The following CFAP97 variants were observed in gnomAD, a reference collection of about 807,000 sequenced individuals.
CFAP97 encodes cilia and flagella associated protein 97, also known as cilia- and flagella-associated protein 97.
Under a neutral mutation model 43.1 loss-of-function variants are expected in CFAP97, and 36 were observed. The ratio of observed to expected loss-of-function variants is 0.84; its 90% CI spans 0.64 to 1.10. The LOEUF (loss-of-function observed/expected upper bound fraction) is 1.10. Ranked by LOEUF, CFAP97 falls within the 50% of genes least tolerant of loss-of-function variation. The pLI is 0.00. For synonymous variants in CFAP97, 228 were observed against 225.7 expected, an observed-to-expected ratio of 1.01 and a Z score of -0.09; for missense variants, 657 against 620.3, an observed-to-expected ratio of 1.06 and a Z score of -0.63.
chr4:185,199,209 C>T (rs915841490), intron 1 of CFAP97, among the ~76,000 whole-genome samples: 1 of 152,002 alleles, frequency 6.6e-6, no homozygotes, highest in Non-Finnish European at 1.5e-5. Flanking sequence ...CCCATCTCTA[C>T]AAAAAGAGAA....
chr4:185,201,622 T>G (rs1337649251), intron 1 of CFAP97, among the ~76,000 whole-genome samples: 1 of 152,232 alleles, frequency 6.6e-6, no homozygotes, highest in Non-Finnish European at 1.5e-5. Flanking sequence ...TATGTACATT[T>G]CTTAAGCATA....
chr4:185,191,624 G>A (rs1439356601), intron 1 of CFAP97, among the ~76,000 whole-genome samples: 1 of 152,214 alleles, frequency 6.6e-6, no homozygotes, highest in Non-Finnish European at 1.5e-5. Context: ...GAGGTCAAGA[G>A]ATCGAGACCA....
chr4:185,185,946 A>G (rs148943961), intron 2 of CFAP97, among the ~76,000 whole-genome samples: 328 of 152,230 alleles, frequency 2.2e-3, no homozygotes, highest in African/African-American at 7.6e-3. Flanking sequence ...GCCTGCCAAC[A>G]TTTGTAAGCT....
chr4:185,164,360 C>T (rs1361750572), intron 3 of CFAP97, among the ~76,000 whole-genome samples, 181 bp from the exon 4 acceptor site: 1 of 152,078 alleles, frequency 6.6e-6, no homozygotes, highest in Non-Finnish European at 1.5e-5. Context: ...ATCTCAGCCT[C>T]TCAAGTAGCT....
At position 185,190,454 on chromosome 4, in the gene CFAP97, G is replaced by C; in HGVS notation, c.743C>G (p.Ser248Cys). The C allele has an allele frequency of 1.2e-6, 2 of 1,613,908 alleles. No individual in the cohort carries two copies. The highest frequency in any genetic ancestry group is 1.7e-6 in the Non-Finnish European group (2 of 1,179,848). The change falls in exon 2 of 5, where the codon TCT (serine) becomes TGT (cysteine). Residue 248 changes from serine (S) to cysteine (C), a missense_variant. Ser to Cys is a moderately radical substitution (Grantham distance 112, BLOSUM62 -1). Transcript: ENST00000458385. ...ACTTACGTCAGTCACAGTATCTTCA[G>C]ACTCCTCAGGGTAGTGGCCACATTT... ...TPKCGHYPEESEDTVTDVSPL... is the reference protein window; with the variant it reads ...TPKCGHYPEECEDTVTDVSPL...
At chr4:185,176,226 C>A (rs1735535388) in intron 2 of CFAP97, among the ~76,000 whole-genome samples, 175 bp from the exon 3 acceptor site, 1 of 151,448 alleles carries the variant, frequency 6.6e-6, no homozygotes, top group Non-Finnish European at 1.5e-5. Flanking sequence ...GATTCTCCTG[C>A]CTCAGCCTCC....
At chr4:185,179,776 T>A (rs1353530814) in intron 2 of CFAP97, among the ~76,000 whole-genome samples, 1 of 152,186 alleles carries the variant, frequency 6.6e-6, no homozygotes, top group Non-Finnish European at 1.5e-5. Context: ...TCATCACTTT[T>A]AAAAAAGCAT....
intron 2 of CFAP97, among the ~76,000 whole-genome samples, chr4:185,176,830 T>C (rs1488736280): frequency 1.3e-5 from 2 of 152,206 alleles, no homozygotes; most frequent in Non-Finnish European, 2.9e-5. Flanking sequence ...TAACTCCGAA[T>C]ATTCCAAAAC....
At chr4:185,180,860 C>T (rs1449272467) in intron 2 of CFAP97, among the ~76,000 whole-genome samples, 4 of 152,076 alleles carry the variant, frequency 2.6e-5, no homozygotes, top group African/African-American at 9.7e-5. Context: ...TCCTAAACCT[C>T]AGGACCCCTT....
chr4:185,182,960 C>T (rs1237857530), intron 2 of CFAP97, among the ~76,000 whole-genome samples: 2 of 151,924 alleles, frequency 1.3e-5, no homozygotes, highest in South Asian at 2.1e-4. Context: ...ATTAGCTGGG[C>T]GTGGTGGTGC....
chr4:185,201,398 T>A (rs768664638), intron 1 of CFAP97, among the ~76,000 whole-genome samples: 37 of 152,174 alleles, frequency 2.4e-4, no homozygotes, highest in Non-Finnish European at 4.6e-4. Flanking sequence ...AGAAATCTTT[T>A]GTGAAAAGAA....
Position 185,162,715 on chromosome 4 carries a change from G to A in CFAP97, c.*83C>T. On this transcript the variant is annotated 3_prime_UTR_variant, in exon 5 of 5. Transcript: ENST00000458385. ...CTTCAATTGCTAAAACGGTATTCTA[G>A]ATGTTTACACAGAGAATTATAGGAA... is the stretch of plus-strand genomic sequence containing the variant. The A allele has an allele frequency of 7.1e-7, 1 of 1,409,796 alleles. No homozygotes were observed. Among genetic ancestry groups the A allele is most frequent in the East Asian group, 2.4e-5 (1 of 42,026 alleles). 87.3% of individuals were successfully genotyped at this position (1,409,796 alleles called of 1,614,324 possible). A position where few individuals can be genotyped will look rare whatever the true frequency, so the allele number is the denominator to read the frequency against.
intron 3 of CFAP97, among the ~76,000 whole-genome samples, chr4:185,167,998 C>CAAAA (rs1195340198): frequency 1.1e-4 from 6 of 54,648 alleles, no homozygotes; most frequent in African/African-American, 2.1e-4. Flanking sequence ...GACTCCTTCT[C>CAAAA]AAAAAAAAAA....
chr4:185,208,773 C>G (rs1002637998), upstream of CFAP97, among the ~76,000 whole-genome samples: 2 of 152,020 alleles, frequency 1.3e-5, no homozygotes, highest in African/African-American at 4.8e-5. Flanking sequence ...CCCATGAATA[C>G]CAATTGATAC....
At position 185,163,967 on chromosome 4, in the gene CFAP97, C is replaced by G. The variant is rs143179345; in HGVS notation, c.1471+62G>C. ...AAAACTCTATCATAATAACATGTTA[C>G]GTTTTTTTAAAAAAAGGATACAAGA... On this transcript the variant is annotated intron_variant, in intron 4 of 4. Transcript: ENST00000458385. 4 of 1,459,710 alleles carry G rather than the reference C, an allele frequency of 2.7e-6. No homozygotes were observed. In the Admixed American group the frequency reaches 7.5e-5, roughly 27 times the overall value. 90.4% of individuals were successfully genotyped at this position (1,459,710 alleles called of 1,614,324 possible). A position where few individuals can be genotyped will look rare whatever the true frequency, so the allele number is the denominator to read the frequency against.
intron 2 of CFAP97, among the ~76,000 whole-genome samples, chr4:185,185,277 C>A (rs1735962915): frequency 6.6e-6 from 1 of 151,870 alleles, no homozygotes; most frequent in African/African-American, 2.4e-5. Context: ...AAGAGCAATG[C>A]AGCAATAGAA....
At chr4:185,196,461 C>T (rs1424430503) in intron 1 of CFAP97, among the ~76,000 whole-genome samples, 1 of 110,070 alleles carries the variant, frequency 9.1e-6, no homozygotes, top group African/African-American at 3.2e-5. Context: ...AAGGATAGTC[C>T]GTCTCAAAAA....
chr4:185,178,351 G>T (rs999698039), intron 2 of CFAP97, among the ~76,000 whole-genome samples: 1 of 144,238 alleles, frequency 6.9e-6, no homozygotes, highest in Non-Finnish European at 1.5e-5. Context: ...CAGTTCAAGC[G>T]ATTGTCCTGC....
At chr4:185,198,139 GT>G (rs951206023) in intron 1 of CFAP97, among the ~76,000 whole-genome samples, 4 of 152,152 alleles carry the variant, frequency 2.6e-5, no homozygotes, top group African/African-American at 9.7e-5. Flanking sequence ...GTCTCATAAG[GT>G]TTAAGAAAAG....
Sources: allele counts gnomAD v4.1 joint callset (sites outside exome capture counted in the v4.1 genomes callset), GRCh38; gene constraint gnomAD v4.1.1; transcripts MANE v1.5; gene names NCBI Gene and HGNC (gene_info 2026-07-23, HGNC 2026-07-21).